ANKS1B: variants seen among roughly 807,000 people sequenced by gnomAD.
The protein encoded by ANKS1B is ankyrin repeat and sterile alpha motif domain containing 1B, also known as ankyrin repeat and sterile alpha motif domain-containing protein 1B.
A neutral mutation model predicts 148.3 loss-of-function variants in ANKS1B; 36 were observed. The ratio of observed to expected loss-of-function variants is 0.24; its 90% CI spans 0.19 to 0.32. ANKS1B has a LOEUF of 0.32. Among genes scored for constraint, ANKS1B ranks in the 10% least tolerant of loss-of-function variants. The probability of loss-of-function intolerance (pLI) is 1.00; values close to 1 mark genes in which losing one functional copy is unlikely to be tolerated. For missense variants in ANKS1B, 1,157 were observed against 1,542.6 expected (o/e 0.75, Z 4.19); for synonymous variants, 542 against 560.8 (o/e 0.97, Z 0.47).
intron 17 of ANKS1B, among the ~76,000 whole-genome samples, chr12:98,853,027 A>G (rs1241372414): frequency 2.0e-5 from 3 of 152,240 alleles, no homozygotes; most frequent in Non-Finnish European, 4.4e-5. Flanking sequence ...AAATATGTTC[A>G]GATTCTTGTT....
At chr12:99,788,806 A>G (rs1431234214) in intron 4 of ANKS1B, among the ~76,000 whole-genome samples, 1 of 152,138 alleles carries the variant, frequency 6.6e-6, no homozygotes, top group Admixed American at 6.5e-5. Context: ...GGCTTTAAGT[A>G]AACATTGGCA....
chr12:98,794,515 G>A (rs955521103), intron 22 of ANKS1B: 9 of 595,346 alleles, frequency 1.5e-5, no homozygotes, highest in Non-Finnish European at 2.8e-5. Flanking sequence ...TTTCTGTCTG[G>A]GGCCCATCCA....
chr12:99,291,648 C>G (rs1420468633), intron 12 of ANKS1B, among the ~76,000 whole-genome samples: 2 of 151,960 alleles, frequency 1.3e-5, no homozygotes, highest in African/African-American at 4.8e-5. Flanking sequence ...GGGGAAAGGA[C>G]AATCTCTTCA....
Position 99,841,479 on chromosome 12 carries a change from T to C in ANKS1B, c.135-16090A>G, listed in dbSNP as rs142807084. Among the ~76,000 whole-genome samples the C allele has an allele frequency of 3.5e-4, 54 of 152,170 alleles. No individual in the cohort carries two copies. In the East Asian group the frequency reaches 7.9e-3, roughly 22 times the overall value. ...GTAAATTGTCTCTGGTTTTCTTGTC[T>C]TTTTTATTTCAGTTTTGGAAGCAGG... On this transcript the variant is annotated intron_variant, in intron 1 of 26. Transcript: ENST00000683438.
chr12:99,629,906 G>A (rs572229171), intron 9 of ANKS1B, among the ~76,000 whole-genome samples: 1 of 152,196 alleles, frequency 6.6e-6, no homozygotes, highest in South Asian at 2.1e-4. Flanking sequence ...TTATATGACT[G>A]ACAAAAGGTA....
At chr12:99,047,674 G>A (rs7294393) in intron 17 of ANKS1B, among the ~76,000 whole-genome samples, 85,156 of 152,024 alleles carry the variant, frequency 0.56, 24,883 homozygotes, top group East Asian at 0.74. Context: ...GAGGCTGGTG[G>A]AGCAATATCT....
intron 14 of ANKS1B, among the ~76,000 whole-genome samples, chr12:99,239,987 C>T (rs982468437): frequency 7.2e-5 from 11 of 152,092 alleles, no homozygotes; most frequent in East Asian, 1.9e-4. Context: ...AGACCATCAA[C>T]GCTATGAGGA....
At chr12:99,655,422 TATAAA>T (rs1327433817) in intron 8 of ANKS1B, among the ~76,000 whole-genome samples, 1 of 152,142 alleles carries the variant, frequency 6.6e-6, no homozygotes, top group African/African-American at 2.4e-5. Context: ...GTGAAAGACT[TATAAA>T]ATAATATATG....
At chr12:99,002,564 G>T (rs2153372929) in intron 17 of ANKS1B, among the ~76,000 whole-genome samples, 1 of 151,760 alleles carries the variant, frequency 6.6e-6, no homozygotes, top group East Asian at 1.9e-4. Context: ...TCTCATTGTG[G>T]TTTTGATTTA....
At chr12:99,913,460 A>G (rs2094070427) in intron 1 of ANKS1B, among the ~76,000 whole-genome samples, 1 of 152,234 alleles carries the variant, frequency 6.6e-6, no homozygotes, top group African/African-American at 2.4e-5. Flanking sequence ...CTGAGGCCTA[A>G]GAAAGCTATA....
At chr12:98,782,514 A>G (rs958712347) in intron 22 of ANKS1B, among the ~76,000 whole-genome samples, 2 of 152,186 alleles carry the variant, frequency 1.3e-5, no homozygotes, top group East Asian at 3.8e-4. Context: ...CCAATTTTCT[A>G]GTTTTAAATT....
intron 1 of ANKS1B, among the ~76,000 whole-genome samples, chr12:99,951,701 C>T (rs1409478376): frequency 1.4e-5 from 2 of 144,056 alleles, no homozygotes; most frequent in Non-Finnish European, 3.0e-5. Context: ...ATAGCAAGAC[C>T]TTGCCTCTAC....
intron 1 of ANKS1B, among the ~76,000 whole-genome samples, chr12:99,898,216 T>C (rs1312189057): frequency 6.6e-6 from 1 of 152,186 alleles, no homozygotes; most frequent in Non-Finnish European, 1.5e-5. Context: ...AACATTTCTA[T>C]GTACTTCTTA....
At chr12:99,581,416 A>C (rs1450519504) in intron 9 of ANKS1B, among the ~76,000 whole-genome samples, 1 of 152,220 alleles carries the variant, frequency 6.6e-6, no homozygotes, top group East Asian at 1.9e-4. Flanking sequence ...AAAATGTAAA[A>C]TAGACTTAAA....
At chr12:99,906,719 T>C (rs138697282) in intron 1 of ANKS1B, among the ~76,000 whole-genome samples, 1 of 152,342 alleles carries the variant, frequency 6.6e-6, no homozygotes, top group Non-Finnish European at 1.5e-5. Context: ...CTCAGTGAAA[T>C]AATTTGGCAC....
intron 1 of ANKS1B, among the ~76,000 whole-genome samples, chr12:99,891,871 T>C (rs980892936): frequency 1.2e-4 from 19 of 152,222 alleles, no homozygotes; most frequent in African/African-American, 4.6e-4. Context: ...TGTGATTTGC[T>C]ATAAAATAAT....
chr12:99,586,770 T>C (rs979541131), intron 9 of ANKS1B, among the ~76,000 whole-genome samples: 9 of 152,160 alleles, frequency 5.9e-5, no homozygotes, highest in Non-Finnish European at 7.3e-5. Flanking sequence ...GGCAAAGTCA[T>C]GTCTTACGTG....
chr12:99,974,431 T>C (rs1189773839), intron 1 of ANKS1B, among the ~76,000 whole-genome samples: 3 of 152,180 alleles, frequency 2.0e-5, no homozygotes, highest in Non-Finnish European at 4.4e-5. Context: ...AAATAATATA[T>C]GTTTATATCT....
Position 99,098,619 on chromosome 12 carries a change from CTTTTTTTTTTTTTTTTTTTTT to C in ANKS1B, c.2527-13617_2527-13597del, listed in dbSNP as rs71081896. Among the ~76,000 whole-genome samples, 440 of 32,120 alleles carry C rather than the reference CTTTTTTTTTTTTTTTTTTTTT, an allele frequency of 0.014. 32 individuals carry two copies. The East Asian group carries it at 0.19, about 14-fold the overall frequency. The allele number at this position is 32,120 out of a possible 152,430, so 21.1% of individuals were successfully genotyped here. A position where few individuals can be genotyped will look rare whatever the true frequency, so the allele number is the denominator to read the frequency against. On this transcript the variant is annotated intron_variant, in intron 15 of 26. Coordinates refer to ENST00000683438, the MANE Select transcript of ANKS1B (RefSeq NM_001352186.2). ...AATAAAGCATGCCTGCTAGGAACTA[CTTTTTTTTTTTTTTTTTTTTT>C]TTTTTTTTTTTTTTTTTTTTAGAAC...
Sources: allele counts gnomAD v4.1 joint callset (sites outside exome capture counted in the v4.1 genomes callset), GRCh38; gene constraint gnomAD v4.1.1; transcripts MANE v1.5; gene names NCBI Gene and HGNC (gene_info 2026-07-23, HGNC 2026-07-21).